CDH12: variants seen among roughly 807,000 people sequenced by gnomAD.
CDH12 encodes cadherin-12.
CDH12 carries 41 observed loss-of-function variants against 74.1 expected under a neutral mutation model. The ratio of observed to expected loss-of-function variants is 0.55; its 90% CI spans 0.43 to 0.72. The LOEUF (loss-of-function observed/expected upper bound fraction) is 0.72, where lower values mean the gene tolerates loss of function less well. Among genes scored for constraint, CDH12 ranks in the 30% least tolerant of loss-of-function variants. CDH12 has a pLI of 0.00. For synonymous variants in CDH12, 399 were observed against 355.0 expected (o/e 1.12, Z -1.39); for missense variants, 945 against 977.2 (o/e 0.97, Z 0.44).
intron 4 of CDH12, among the ~76,000 whole-genome samples, chr5:22,211,431 C>T (rs539906767): frequency 9.7e-4 from 148 of 151,986 alleles, no homozygotes; most frequent in African/African-American, 3.6e-3. Context: ...AGTATTTAGC[C>T]TGCAGACTGA....
At chr5:21,953,853 G>GA (rs983292959) in intron 6 of CDH12, among the ~76,000 whole-genome samples, 2 of 151,426 alleles carry the variant, frequency 1.3e-5, no homozygotes, top group Non-Finnish European at 2.9e-5. Context: ...ATTTATTTAA[G>GA]AAAAAAAATT....
intron 4 of CDH12, among the ~76,000 whole-genome samples, chr5:22,208,592 T>C (rs1437778873): frequency 6.6e-6 from 1 of 152,218 alleles, no homozygotes; most frequent in Non-Finnish European, 1.5e-5. Context: ...AAATTTAAGA[T>C]AACCAAGTCA....
At chr5:22,266,144 C>T (rs887476304) in intron 3 of CDH12, among the ~76,000 whole-genome samples, 3 of 151,792 alleles carry the variant, frequency 2.0e-5, no homozygotes, top group Non-Finnish European at 2.9e-5. Context: ...GGCACAATCT[C>T]GGCTCACTAC....
intron 1 of CDH12, among the ~76,000 whole-genome samples, chr5:22,691,464 C>T (rs1441036118): frequency 6.6e-6 from 1 of 152,190 alleles, no homozygotes; most frequent in Admixed American, 6.5e-5. Flanking sequence ...CATTCAAACC[C>T]TGGTTTACTT....
intron 4 of CDH12, among the ~76,000 whole-genome samples, chr5:22,144,928 T>C (rs1294495056): frequency 6.6e-6 from 1 of 152,102 alleles, no homozygotes; most frequent in African/African-American, 2.4e-5. Context: ...TCAAATCAGA[T>C]TTCGGCAATG....
chr5:22,170,567 C>CTTATATATAAGCTTCTTATATATAAG (rs1198333237), intron 4 of CDH12, among the ~76,000 whole-genome samples: 8 of 150,074 alleles, frequency 5.3e-5, no homozygotes, highest in East Asian at 2.0e-4. Context: ...TTATATATAA[C>CTTATATATAAGCTTCTTATATATAAG]TTATATATAA....
chr5:21,788,043 G>T (rs898570663), intron 10 of CDH12, among the ~76,000 whole-genome samples: 3 of 152,100 alleles, frequency 2.0e-5, no homozygotes, highest in Admixed American at 6.6e-5. Flanking sequence ...TTAAGTATTT[G>T]CTGAGTGTCC....
At chr5:22,360,149 T>C (rs560788402) in intron 3 of CDH12, among the ~76,000 whole-genome samples, 1 of 152,198 alleles carries the variant, frequency 6.6e-6, no homozygotes, top group Non-Finnish European at 1.5e-5. Context: ...GGAGCTGGTT[T>C]TTTGAAAGGA....
intron 6 of CDH12, among the ~76,000 whole-genome samples, chr5:21,872,786 CT>C (rs1561260376): frequency 2.7e-4 from 6 of 22,482 alleles, no homozygotes; most frequent in Non-Finnish European, 4.1e-4. Context: ...AGAGTAAGAT[CT>C]ATCTATCTAT....
chr5:22,828,413 C>G (rs1736435029), intron 1 of CDH12, among the ~76,000 whole-genome samples: 1 of 152,134 alleles, frequency 6.6e-6, no homozygotes, highest in South Asian at 2.1e-4. Flanking sequence ...AAAAATGTCA[C>G]TGGGATCTGC....
At position 21,755,690 on chromosome 5, in the gene CDH12, C is replaced by T; in HGVS notation, c.1786G>A (p.Gly596Ser). The T allele has an allele frequency of 6.2e-7, 1 of 1,614,054 alleles. No homozygotes were observed. Among genetic ancestry groups the T allele is most frequent in the Non-Finnish European group, 8.5e-7 (1 of 1,179,978 alleles). ...TIRVCRCDSDGTILSCNVEAI... is the reference protein window; with the variant it reads ...TIRVCRCDSDSTILSCNVEAI... The stretch of plus-strand genomic sequence containing the variant: ...TCCACATTACAAGACAGGATGGTGC[C>T]ATCAGAGTCACATCTACAGACTCGA... The change falls in exon 14 of 15, where the codon GGC (glycine) becomes AGC (serine). Residue 596 changes from glycine (G) to serine (S), a missense_variant. Transcript: ENST00000382254.
At chr5:22,677,542 C>T (rs976156492) in intron 1 of CDH12, among the ~76,000 whole-genome samples, 1 of 152,038 alleles carries the variant, frequency 6.6e-6, no homozygotes, top group African/African-American at 2.4e-5. Flanking sequence ...TCAAAGCCCT[C>T]ACCTCCTAAT....
At chr5:22,534,546 CCT>C (rs1737741934) in intron 1 of CDH12, among the ~76,000 whole-genome samples, 1 of 152,132 alleles carries the variant, frequency 6.6e-6, no homozygotes, top group African/African-American at 2.4e-5. Flanking sequence ...CCACAAGCAG[CCT>C]CTCTGCTTCT....
At chr5:22,396,747 G>A (rs1222270394) in intron 3 of CDH12, among the ~76,000 whole-genome samples, 1 of 152,094 alleles carries the variant, frequency 6.6e-6, no homozygotes, top group African/African-American at 2.4e-5. Flanking sequence ...CACAGTTGGA[G>A]GAAGTTTCAG....
chr5:21,845,973 CGGAGAGAAAA>C (rs1561237213), intron 7 of CDH12, among the ~76,000 whole-genome samples: 1 of 151,994 alleles, frequency 6.6e-6, no homozygotes, highest in Non-Finnish European at 1.5e-5. Flanking sequence ...AGCAGCTGTG[CGGAGAGAAAA>C]GGGCTACCTA....
intron 1 of CDH12, among the ~76,000 whole-genome samples, chr5:22,604,950 C>A (rs1424223052): frequency 6.6e-6 from 1 of 152,242 alleles, no homozygotes; most frequent in Non-Finnish European, 1.5e-5. Flanking sequence ...GGAGTGGCTG[C>A]AATGAGACTT....
rs1224525159 is a variant in CDH12 at position 21,752,101 on chromosome 5, TC to T, written c.2020del (p.Asp674ThrfsTer5). On this transcript the variant is annotated frameshift_variant, in exon 15 of 15. Transcript: ENST00000382254. LOFTEE classifies it high-confidence loss of function. ...TTTTGGGTTTCTCAGAGCCCCGATG[TC>T]GAAAGCCTGGGTATCTTCCTCCCCA... ...GGGEEDTQAF[D>X]IGALRNPKVI... 6.2e-7 allele frequency: 1 copy of T among 1,614,034 alleles called. No homozygotes were observed. The highest frequency in any genetic ancestry group is 8.5e-7 in the Non-Finnish European group (1 of 1,180,020).
intron 7 of CDH12, among the ~76,000 whole-genome samples, chr5:21,854,319 A>G (rs971598877): frequency 5.3e-5 from 8 of 151,728 alleles, no homozygotes; most frequent in African/African-American, 1.9e-4. Context: ...GTTAAAGCCC[A>G]AAACTAAGTA....
intron 1 of CDH12, among the ~76,000 whole-genome samples, chr5:22,760,693 A>C (rs983209748): frequency 2.0e-5 from 3 of 151,160 alleles, no homozygotes; most frequent in South Asian, 2.1e-4. Context: ...AAAAAAAAAA[A>C]AAAAAAACAA....
Sources: allele counts gnomAD v4.1 joint callset (sites outside exome capture counted in the v4.1 genomes callset), GRCh38; gene constraint gnomAD v4.1.1; transcripts MANE v1.5; gene names NCBI Gene and HGNC (gene_info 2026-07-23, HGNC 2026-07-21).